The following CACNA2D3 variants were observed in gnomAD, a reference collection of about 807,000 sequenced individuals.
The protein encoded by CACNA2D3 is calcium voltage-gated channel auxiliary subunit alpha2delta 3.
In CACNA2D3, 60 loss-of-function variants were observed where a neutral mutation model predicts 160.6. The ratio of observed to expected loss-of-function variants is 0.37; its 90% CI spans 0.30 to 0.46. The LOEUF is 0.46. CACNA2D3 is among the 20% of genes least tolerant of loss of function. The pLI, the probability that CACNA2D3 is intolerant of heterozygous loss-of-function variation, is 1.00. For missense variants in CACNA2D3, 1,205 were observed against 1,365.0 expected (o/e 0.88, Z 1.85); for synonymous variants, 558 against 492.9 (o/e 1.13, Z -1.75).
At chr3:54,434,842 G>A (rs970165204) in intron 4 of CACNA2D3, among the ~76,000 whole-genome samples, 2 of 152,084 alleles carry the variant, frequency 1.3e-5, no homozygotes, top group East Asian at 1.9e-4. Flanking sequence ...GGTAAGCTTC[G>A]TTTTAAGGTT....
chr3:54,881,455 G>A (rs1048718678), intron 21 of CACNA2D3, among the ~76,000 whole-genome samples: 3 of 152,268 alleles, frequency 2.0e-5, no homozygotes, highest in African/African-American at 2.4e-5. Flanking sequence ...AAGCACAGAG[G>A]CACAGTAAAC....
chr3:54,331,894 A>G (rs1480888835), intron 3 of CACNA2D3, among the ~76,000 whole-genome samples: 1 of 152,192 alleles, frequency 6.6e-6, no homozygotes, highest in East Asian at 1.9e-4. Context: ...GGTCCCATTC[A>G]TAGAATCGGC....
intron 29 of CACNA2D3, among the ~76,000 whole-genome samples, chr3:54,976,579 G>T (rs868435507): frequency 1.3e-5 from 2 of 152,064 alleles, no homozygotes; most frequent in South Asian, 4.1e-4. Flanking sequence ...TTCATGAGTC[G>T]ATGTCCTCCT....
chr3:54,532,011 A>G (rs1289590094), intron 5 of CACNA2D3, among the ~76,000 whole-genome samples: 1 of 151,726 alleles, frequency 6.6e-6, no homozygotes, highest in Non-Finnish European at 1.5e-5. Context: ...CTCTCACCTC[A>G]TTTTCCATCA....
intron 2 of CACNA2D3, among the ~76,000 whole-genome samples, chr3:54,141,098 CGTGTGT>C (rs144760117): frequency 0.018 from 1,158 of 64,698 alleles, 11 homozygotes; most frequent in African/African-American, 0.052. Flanking sequence ...CGCGCGCGCG[CGTGTGT>C]GCATGCATGC....
At chr3:54,545,812 A>T (rs1000665485) in intron 5 of CACNA2D3, among the ~76,000 whole-genome samples, 2 of 152,116 alleles carry the variant, frequency 1.3e-5, no homozygotes, top group Non-Finnish European at 2.9e-5. Flanking sequence ...CTTGGAAGAG[A>T]TGTTTATGTT....
At chr3:54,895,355 A>G (rs2106876831) in intron 25 of CACNA2D3, among the ~76,000 whole-genome samples, 1 of 152,300 alleles carries the variant, frequency 6.6e-6, no homozygotes, top group Non-Finnish European at 1.5e-5. Context: ...CAGACCTTAG[A>G]AAGGAGTTAG....
chr3:54,451,231 T>TA (rs1282885104), intron 4 of CACNA2D3, among the ~76,000 whole-genome samples: 1,111 of 34,138 alleles, frequency 0.033, 27 homozygotes, highest in African/African-American at 0.1. Context: ...ATAATAATCT[T>TA]TTTTTTTTTT....
At chr3:54,423,778 C>T (rs377188479) in intron 4 of CACNA2D3, among the ~76,000 whole-genome samples, 1 of 152,258 alleles carries the variant, frequency 6.6e-6, no homozygotes, top group East Asian at 1.9e-4. Flanking sequence ...CTACCTGGAG[C>T]GTTAGGAACT....
intron 13 of CACNA2D3, among the ~76,000 whole-genome samples, chr3:54,787,632 G>A (rs1003726824): frequency 1.3e-5 from 2 of 152,190 alleles, no homozygotes; most frequent in Non-Finnish European, 2.9e-5. Flanking sequence ...TTAACAAAGG[G>A]TAATAAATTA....
intron 4 of CACNA2D3, among the ~76,000 whole-genome samples, chr3:54,470,200 A>C (rs1477741862): frequency 6.6e-6 from 1 of 152,250 alleles, no homozygotes; most frequent in East Asian, 1.9e-4. Context: ...GGTTACCCAC[A>C]AAAGGAAGCC....
At position 54,626,706 on chromosome 3, in the gene CACNA2D3, AAAAG is replaced by A. The variant is rs1454832699; in HGVS notation, c.964-1073_964-1070del. On this transcript the variant is annotated intron_variant, in intron 9 of 37. Coordinates refer to ENST00000474759, the MANE Select transcript of CACNA2D3 (RefSeq NM_018398.3). ...AGTCAAAAAAAAAAAAAAAAAAAAA[AAAAG>A]AAAGAAAAAGAAAGGGGTTCGGAAT... 1,716 of 704,796 alleles carry A rather than the reference AAAAG, an allele frequency of 2.4e-3. 18 individuals are homozygous for A. The highest frequency in any genetic ancestry group is 0.017 in the African/African-American group (760 of 44,950). 43.7% of individuals were successfully genotyped at this position (704,796 alleles called of 1,614,324 possible). A position where few individuals can be genotyped will look rare whatever the true frequency, so the allele number is the denominator to read the frequency against.
At chr3:54,845,831 C>T (rs773409464) in intron 16 of CACNA2D3, among the ~76,000 whole-genome samples, 25 of 152,066 alleles carry the variant, frequency 1.6e-4, no homozygotes, top group East Asian at 9.7e-4. Flanking sequence ...AATTTGAAGA[C>T]GAAAGGATAT....
At chr3:54,350,992 T>TTTTTTTTTTTG (rs1698552090) in intron 3 of CACNA2D3, among the ~76,000 whole-genome samples, 1 of 110,976 alleles carries the variant, frequency 9.0e-6, no homozygotes, top group Non-Finnish European at 2.0e-5. Flanking sequence ...GTTTGTTTTT[T>TTTTTTTTTTTG]TTTTTTTTTT....
intron 2 of CACNA2D3, among the ~76,000 whole-genome samples, chr3:54,290,781 C>T (rs933277223): frequency 6.6e-6 from 1 of 151,944 alleles, no homozygotes; most frequent in Non-Finnish European, 1.5e-5. Context: ...AAACTGGAAA[C>T]CATCATTCTC....
chr3:54,268,425 T>C (rs539183852), intron 2 of CACNA2D3, among the ~76,000 whole-genome samples: 1 of 152,180 alleles, frequency 6.6e-6, no homozygotes, highest in African/African-American at 2.4e-5. Context: ...TTTTTATTTA[T>C]TGAGATGGAG....
At chr3:54,957,721 A>C (rs1021766067) in intron 27 of CACNA2D3, among the ~76,000 whole-genome samples, 5 of 151,916 alleles carry the variant, frequency 3.3e-5, no homozygotes, top group African/African-American at 1.2e-4. Context: ...AAACAAGATC[A>C]CACCTCTCCA....
chr3:54,973,222 T>C (rs552632403), intron 29 of CACNA2D3, among the ~76,000 whole-genome samples: 4 of 152,192 alleles, frequency 2.6e-5, no homozygotes, highest in African/African-American at 9.6e-5. Context: ...AAAACACAGT[T>C]AGCATTCAGG....
intron 5 of CACNA2D3, among the ~76,000 whole-genome samples, chr3:54,551,695 G>A (rs1702160376): frequency 1.3e-5 from 2 of 152,204 alleles, no homozygotes; most frequent in Admixed American, 6.5e-5. Context: ...CTGGAACAGC[G>A]TGGGTGCTCT....
Sources: gnomAD v4.1 joint callset for allele counts (sites outside exome capture counted in the v4.1 genomes callset) on GRCh38, gnomAD v4.1.1 for gene constraint, MANE v1.5 for transcripts, NCBI Gene and HGNC (gene_info 2026-07-23, HGNC 2026-07-21) for gene names.